The following PALM2AKAP2 variants were observed in gnomAD, a reference collection of about 807,000 sequenced individuals.
PALM2AKAP2 encodes the protein PALM2-AKAP2 fusion protein.
In PALM2AKAP2, 37 loss-of-function variants were observed where a neutral mutation model predicts 71.5. The ratio of observed to expected loss-of-function variants is 0.52; its 90% CI spans 0.40 to 0.68. PALM2AKAP2 has a LOEUF of 0.68. Ranked by LOEUF, PALM2AKAP2 falls within the 30% of genes least tolerant of loss-of-function variation. The pLI is 0.00. For synonymous variants in PALM2AKAP2, 468 were observed against 478.8 expected (o/e 0.98, Z 0.29); for missense variants, 1,224 against 1,191.8 (o/e 1.03, Z -0.40).
chr9:109,888,805 A>G (rs568621248), intron 3 of PALM2AKAP2, among the ~76,000 whole-genome samples: 58 of 151,426 alleles, frequency 3.8e-4, no homozygotes, highest in African/African-American at 1.1e-3. Flanking sequence ...TGCTATTGAC[A>G]TTTAGGGCTG....
intron 1 of PALM2AKAP2, among the ~76,000 whole-genome samples, chr9:109,746,291 C>G (rs1828800245): frequency 6.6e-6 from 1 of 152,074 alleles, no homozygotes; most frequent in African/African-American, 2.4e-5. Flanking sequence ...TTGGGAATGC[C>G]AACAGGTTTG....
At position 110,158,545 on chromosome 9, in the gene PALM2AKAP2, A is replaced by G. The variant is rs1836517640; in HGVS notation, c.2748+2048A>G. The stretch of plus-strand genomic sequence containing the variant: ...GAGGGCTGGAAGCTCTTTTGTGCAC[A>G]CGCTGACACTCTGGCAGCCACCTAA... On this transcript the variant is annotated intron_variant, in intron 3 of 3. Transcript: ENST00000374525. Among the ~76,000 whole-genome samples, 3 of 152,210 alleles carry G rather than the reference A, an allele frequency of 2.0e-5. No individual in the cohort carries two copies. In the South Asian group the frequency reaches 6.2e-4, roughly 32 times the overall value.
intron 1 of PALM2AKAP2, among the ~76,000 whole-genome samples, chr9:110,079,046 C>T (rs1320061019): frequency 2.6e-5 from 4 of 152,180 alleles, no homozygotes; most frequent in African/African-American, 7.2e-5. Context: ...AAAATCAGTA[C>T]TTTGCTTCCC....
intron 2 of PALM2AKAP2, among the ~76,000 whole-genome samples, chr9:110,154,220 G>A (rs1275277500): frequency 6.6e-6 from 1 of 152,078 alleles, no homozygotes; most frequent in Non-Finnish European, 1.5e-5. Flanking sequence ...CTATCTGAGG[G>A]TAGGTACCCT....
chr9:109,680,376 A>G (rs1587865121), intron 1 of PALM2AKAP2, among the ~76,000 whole-genome samples: 1 of 152,236 alleles, frequency 6.6e-6, no homozygotes, highest in Non-Finnish European at 1.5e-5. Flanking sequence ...CTCCCAACAC[A>G]TGGCTGTTCC....
intron 1 of PALM2AKAP2, among the ~76,000 whole-genome samples, chr9:110,106,764 T>C (rs968981491): frequency 6.6e-6 from 1 of 152,180 alleles, no homozygotes; most frequent in Non-Finnish European, 1.5e-5. Context: ...ATATGTGCAT[T>C]TAAATCCGTC....
chr9:109,694,463 C>T (rs1025376640), intron 1 of PALM2AKAP2, among the ~76,000 whole-genome samples: 1 of 151,904 alleles, frequency 6.6e-6, no homozygotes, highest in African/African-American at 2.4e-5. Flanking sequence ...AAAATGATCT[C>T]ATTTACATTA....
At chr9:109,898,908 C>G (rs1830267004) in intron 3 of PALM2AKAP2, among the ~76,000 whole-genome samples, 1 of 152,180 alleles carries the variant, frequency 6.6e-6, no homozygotes, top group Non-Finnish European at 1.5e-5. Flanking sequence ...TGAATGCTCC[C>G]TATTTCTTCT....
chr9:109,963,913 G>C (rs530674322), intron 6 of PALM2AKAP2, among the ~76,000 whole-genome samples: 1 of 152,162 alleles, frequency 6.6e-6, no homozygotes, highest in Non-Finnish European at 1.5e-5. Context: ...GGTGTGCAAG[G>C]CCTCTAGAGG....
intron 1 of PALM2AKAP2, among the ~76,000 whole-genome samples, chr9:109,774,659 A>C (rs76055838): frequency 0.014 from 2,178 of 151,942 alleles, 61 homozygotes; most frequent in African/African-American, 0.05. Flanking sequence ...CGATAGCTCA[A>C]CCCTTAAAAA....
chr9:109,874,841 T>C (rs2131731672), intron 2 of PALM2AKAP2, among the ~76,000 whole-genome samples: 1 of 152,328 alleles, frequency 6.6e-6, no homozygotes, highest in Non-Finnish European at 1.5e-5. Flanking sequence ...TCAGCCCACA[T>C]CTAATCTGTT....
intron 2 of PALM2AKAP2, among the ~76,000 whole-genome samples, chr9:109,878,177 T>C (rs945728973): frequency 1.3e-5 from 2 of 152,216 alleles, no homozygotes; most frequent in African/African-American, 4.8e-5. Context: ...AAGCAAATTG[T>C]ACTGCCCTCT....
At chr9:109,945,885 A>C (rs1170168333) in intron 6 of PALM2AKAP2, 2 of 152,234 alleles carry the variant, frequency 1.3e-5, no homozygotes, top group African/African-American at 4.8e-5. Context: ...ATTAATGATT[A>C]TCTGTATTCT....
intron 6 of PALM2AKAP2, among the ~76,000 whole-genome samples, chr9:110,014,803 A>G (rs10115827): frequency 1.2e-4 from 2 of 16,020 alleles, no homozygotes; most frequent in Non-Finnish European, 2.7e-4. Context: ...AAAAAAAAAA[A>G]ATGTATATAT....
chr9:109,927,014 C>G (rs1830971761), intron 5 of PALM2AKAP2, among the ~76,000 whole-genome samples: 1 of 152,176 alleles, frequency 6.6e-6, no homozygotes, highest in Non-Finnish European at 1.5e-5. Flanking sequence ...CCCACAGACT[C>G]CATCCTCCAG....
intron 7 of PALM2AKAP2, among the ~76,000 whole-genome samples, chr9:110,031,597 G>A (rs1243705194): frequency 6.6e-6 from 1 of 152,176 alleles, no homozygotes; most frequent in South Asian, 2.1e-4. Context: ...AACCCTATGA[G>A]GTGGGTACTA....
intron 1 of PALM2AKAP2, among the ~76,000 whole-genome samples, chr9:110,081,996 A>G (rs1410766176): frequency 6.6e-6 from 1 of 152,000 alleles, no homozygotes; most frequent in Non-Finnish European, 1.5e-5. Context: ...CAAGAGAGAA[A>G]CCTGTGTTCT....
intron 3 of PALM2AKAP2, among the ~76,000 whole-genome samples, chr9:109,892,430 C>G (rs1830109750): frequency 6.6e-6 from 1 of 152,160 alleles, no homozygotes; most frequent in Non-Finnish European, 1.5e-5. Context: ...ACCCTTTTAT[C>G]CACATAAGGT....
intron 1 of PALM2AKAP2, among the ~76,000 whole-genome samples, chr9:109,780,914 C>G (rs1014835572): frequency 6.6e-6 from 1 of 152,168 alleles, no homozygotes; most frequent in Non-Finnish European, 1.5e-5. Context: ...CGGTGGCTGC[C>G]ATCCTCTCTG....
Sources: allele counts gnomAD v4.1 joint callset (sites outside exome capture counted in the v4.1 genomes callset), GRCh38; gene constraint gnomAD v4.1.1; transcripts MANE v1.5; gene names NCBI Gene and HGNC (gene_info 2026-07-23, HGNC 2026-07-21).